The following HDLBP variants were observed in gnomAD, a reference collection of about 807,000 sequenced individuals.
HDLBP encodes the protein high density lipoprotein binding protein.
A neutral mutation model predicts 137.3 loss-of-function variants in HDLBP; 30 were observed. The ratio of observed to expected loss-of-function variants is 0.22; its 90% CI spans 0.16 to 0.30. HDLBP has a LOEUF of 0.30. Ranked by LOEUF, HDLBP falls within the 10% of genes least tolerant of loss-of-function variation. HDLBP has a pLI of 1.00. For missense variants in HDLBP, 1,119 were observed against 1,667.3 expected (o/e 0.67, Z 5.73); for synonymous variants, 606 against 596.0 (o/e 1.02, Z -0.24).
chr2:241,310,201 G>T (rs1310693400), intron 1 of HDLBP, among the ~76,000 whole-genome samples: 2 of 152,100 alleles, frequency 1.3e-5, no homozygotes, highest in African/African-American at 4.8e-5. Context: ...TAGGAATAGA[G>T]GGAACAAGAA....
At chr2:241,294,858 T>C (rs1188098074) in intron 1 of HDLBP, among the ~76,000 whole-genome samples, 1 of 152,148 alleles carries the variant, frequency 6.6e-6, no homozygotes, top group African/African-American at 2.4e-5. Context: ...CCCAGCACTT[T>C]GGGAGGCCGA....
intron 1 of HDLBP, among the ~76,000 whole-genome samples, chr2:241,297,502 C>A (rs748071598): frequency 2.0e-5 from 3 of 152,162 alleles, no homozygotes. Context: ...GTTAAAAATA[C>A]ACACGCATGT....
At position 241,230,135 on chromosome 2, in the gene HDLBP, A is replaced by T; in HGVS notation, c.3591+18T>A. 1.3e-6 allele frequency: 2 copies of T among 1,599,386 alleles called. No individual in the cohort carries two copies. The highest frequency in any genetic ancestry group is 1.1e-5 in the South Asian group (1 of 90,812). ...CGTGCCAGGGCGCCTCAGGGCTCCA[A>T]GGCCCACAGAGACTCACGTATTCCT... On this transcript the variant is annotated intron_variant, in intron 26 of 27. Coordinates refer to ENST00000310931, the MANE Select transcript of HDLBP (RefSeq NM_005336.6). The surrounding 1 kb of genome is among the most constrained non-coding windows in gnomAD (Gnocchi z 5.0).
chr2:241,235,493 A>G lies in HDLBP; in HGVS notation c.3006T>C (p.Phe1002=), dbSNP rs1438357518. The G allele has an allele frequency of 6.2e-7, 1 of 1,612,926 alleles. No individual in the cohort carries two copies. The highest frequency in any genetic ancestry group is 1.7e-5 in the Admixed American group (1 of 60,014). ...GCCTCCCGGGAAAGGGGTCTACCTC[A>G]AACTCATCCATCATCTTGCGGATCC... ...GSGIRKMMDE[F]EVNIHVPAPE... The change falls in exon 22 of 28, where the codon TTT becomes TTC. Residue 1002 remains phenylalanine (F), a synonymous_variant. Transcript: ENST00000310931.
intron 7 of HDLBP, 104 bp downstream of exon 7, chr2:241,256,080 G>C: frequency 2.1e-6 from 2 of 942,740 alleles, no homozygotes; most frequent in Non-Finnish European, 3.3e-6. Flanking sequence ...TCTTCATCAA[G>C]GACAAAAAGA....
At chr2:241,306,056 G>T (rs777161141) in intron 1 of HDLBP, among the ~76,000 whole-genome samples, 5 of 151,854 alleles carry the variant, frequency 3.3e-5, no homozygotes, top group African/African-American at 9.7e-5. Flanking sequence ...CACCGCGCCC[G>T]GCCAAAAAGT....
chr2:241,255,681 CTA>C (rs1357785138), intron 7 of HDLBP, 101 bp from the exon 8 acceptor site: 1 of 837,294 alleles, frequency 1.2e-6, no homozygotes, highest in African/African-American at 1.7e-5. Context: ...GCGGCCCAGA[CTA>C]TAGATGCTGA....
intron 4 of HDLBP, among the ~76,000 whole-genome samples, chr2:241,263,131 C>G (rs2073336507): frequency 6.6e-6 from 1 of 152,178 alleles, no homozygotes; most frequent in African/African-American, 2.4e-5. Context: ...AGGAGAGAAC[C>G]ACATCAGCTG....
chr2:241,236,418 G>A, intron 21 of HDLBP, 197 bp downstream of exon 21: 1 of 609,158 alleles, frequency 1.6e-6, no homozygotes, highest in Non-Finnish European at 2.9e-6. Flanking sequence ...CCCGAGCCTT[G>A]GTGAAGGGAA....
rs1431952665 is a variant in HDLBP, at chr2:241,272,541, G to A, written c.-102-4000C>T. On this transcript the variant is annotated intron_variant, in intron 1 of 27. Transcript: ENST00000310931. This position sits in a 1 kb window ranked among gnomAD's most constrained non-coding sequence, Gnocchi z 5.6. Reference sequence around the variant, plus strand: ...CCACGGCCACGCGCAGAAGAGACTCGGAGCCGGCCCCAGGTCTGGCCCGGA... The same window carrying A: ...CCACGGCCACGCGCAGAAGAGACTCAGAGCCGGCCCCAGGTCTGGCCCGGA... 7.1e-6 allele frequency: 7 copies of A among 984,374 alleles called. No individual in the cohort carries two copies. The highest frequency in any genetic ancestry group is 8.4e-6 in the Non-Finnish European group (7 of 829,632). 61.0% of individuals were successfully genotyped at this position (984,374 alleles called of 1,614,324 possible).
Position 241,242,677 on chromosome 2 carries a change from G to A in HDLBP, c.1952C>T (p.Ala651Val). The change falls in exon 17 of 28, where the codon GCC becomes GTC. Residue 651 changes from alanine (A) to valine (V), a missense_variant and splice_region_variant. Ala to Val is a moderately conservative substitution (Grantham distance 64). This residue lies in a region of HDLBP where 425 missense variants were observed against 693.9 expected (regional missense o/e 0.61). Transcript: ENST00000310931. ...SRILSIQKDL[A>V]NIAEVEVSIP... ...GGAGACCTCTACCTCGGCTATGTTG[G>A]CCTGAAACCAAACACAGGGCAGGAG... 1 of 1,612,562 alleles carries A rather than the reference G, an allele frequency of 6.2e-7. No individual in the cohort carries two copies. Among genetic ancestry groups the A allele is most frequent in the Non-Finnish European group, 8.5e-7 (1 of 1,179,164 alleles).
At chr2:241,275,509 G>A (rs12463611) in intron 1 of HDLBP, among the ~76,000 whole-genome samples, 5,062 of 152,174 alleles carry the variant, frequency 0.033, 500 homozygotes, top group Admixed American at 0.19. Flanking sequence ...AAAGAACAGA[G>A]AAGAAACATT....
chr2:241,294,027 T>C (rs1187965333), intron 1 of HDLBP, among the ~76,000 whole-genome samples: 1 of 152,110 alleles, frequency 6.6e-6, no homozygotes, highest in Non-Finnish European at 1.5e-5. Flanking sequence ...CTCTCTAGCC[T>C]GACAAAAGAA....
chr2:241,276,718 A>C (rs1233423232), intron 1 of HDLBP, among the ~76,000 whole-genome samples: 1 of 152,186 alleles, frequency 6.6e-6, no homozygotes, highest in African/African-American at 2.4e-5. Context: ...TTAAGAACAG[A>C]GAAGGTCAAG....
chr2:241,311,307 C>G (rs2075751106), intron 1 of HDLBP, among the ~76,000 whole-genome samples: 1 of 152,166 alleles, frequency 6.6e-6, no homozygotes, highest in African/African-American at 2.4e-5. Context: ...AATTCCTACT[C>G]AGGATAAGAG....
intron 1 of HDLBP, among the ~76,000 whole-genome samples, chr2:241,289,206 T>A (rs549395849): frequency 6.6e-6 from 1 of 152,284 alleles, no homozygotes; most frequent in Admixed American, 6.5e-5. Context: ...GTGGAGAGCA[T>A]GTGGCACTCC....
At chr2:241,309,179 C>G (rs1220329545) in intron 1 of HDLBP, among the ~76,000 whole-genome samples, 1 of 152,198 alleles carries the variant, frequency 6.6e-6, no homozygotes, top group Non-Finnish European at 1.5e-5. Context: ...CCACTCCCCT[C>G]GATACTTTAT....
rs116335114 is a variant in HDLBP at position 241,277,903 on chromosome 2, G to A, written c.-102-9362C>T. Among the ~76,000 whole-genome samples the A allele has an allele frequency of 3.9e-3, 600 of 152,244 alleles. 2 individuals carry two copies. Among genetic ancestry groups the A allele is most frequent in the African/African-American group, 0.014 (568 of 41,532 alleles). On this transcript the variant is annotated intron_variant, in intron 1 of 27. Transcript: ENST00000310931. ...TTGTACCTGGGAGGTGGAGGTTGCC[G>A]TGGGCCGAGACCACGCCATTGCACT...
rs1574872638 is a variant in HDLBP, at chr2:241,239,306, T to G, written c.2610+296A>C. ...ATTTTTCCTGATCCCTTATACAGAA[T>G]GCATTTTCTTTCTTTCTCTTGCTTT... On this transcript the variant is annotated intron_variant, in intron 19 of 27. Coordinates refer to ENST00000310931, the MANE Select transcript of HDLBP (RefSeq NM_005336.6). The surrounding 1 kb of genome is among the most constrained non-coding windows in gnomAD (Gnocchi z 4.6). Among the ~76,000 whole-genome samples the G allele has an allele frequency of 1.3e-5, 2 of 152,276 alleles. No individual in the cohort carries two copies. The highest frequency in any genetic ancestry group is 4.8e-5 in the African/African-American group (2 of 41,554).
Sources: allele counts gnomAD v4.1 joint callset (sites outside exome capture counted in the v4.1 genomes callset), GRCh38; gene constraint gnomAD v4.1.1; regional missense constraint gnomAD v4.1.1; non-coding constraint Gnocchi (gnomAD v3.1); transcripts MANE v1.5; gene names NCBI Gene and HGNC (gene_info 2026-07-23, HGNC 2026-07-21).